The following MCF2L variants were observed in gnomAD, a reference collection of about 807,000 sequenced individuals.
The protein encoded by MCF2L is guanine nucleotide exchange factor DBS.
MCF2L carries 97 observed loss-of-function variants against 153.4 expected under a neutral mutation model. The observed-to-expected ratio is 0.63, with a 90% CI of 0.54 to 0.75. MCF2L has a LOEUF of 0.75. MCF2L is among the 30% of genes least tolerant of loss of function. The pLI is 0.00. For missense variants in MCF2L, 1,347 were observed against 1,495.2 expected (o/e 0.90, Z 1.64); for synonymous variants, 659 against 632.2 (o/e 1.04, Z -0.64).
intron 23 of MCF2L, 97 bp downstream of exon 23, chr13:113,087,896 C>A: frequency 1.0e-6 from 1 of 988,106 alleles, no homozygotes; most frequent in Non-Finnish European, 1.6e-6. Context: ...TGCATCGAGC[C>A]CAGGAGCAGC....
chr13:113,077,562 G>C (rs991748779), intron 13 of MCF2L, among the ~76,000 whole-genome samples: 1 of 152,140 alleles, frequency 6.6e-6, no homozygotes, highest in African/African-American at 2.4e-5. Context: ...AACCATCTCC[G>C]GCCTTCCCAG....
chr13:112,929,559 T>A (rs1490817934), intron 2 of MCF2L, among the ~76,000 whole-genome samples: 1 of 152,232 alleles, frequency 6.6e-6, no homozygotes, highest in Admixed American at 6.5e-5. Flanking sequence ...CTCTTCACAC[T>A]CCTGATGAAA....
At chr13:112,998,282 A>G (rs1470231760) in intron 1 of MCF2L, among the ~76,000 whole-genome samples, 1 of 152,218 alleles carries the variant, frequency 6.6e-6, no homozygotes, top group Non-Finnish European at 1.5e-5. Context: ...AAAAAGCTGG[A>G]AAACAGCATA....
intron 2 of MCF2L, among the ~76,000 whole-genome samples, chr13:112,913,790 T>A (rs2081260775): frequency 6.6e-6 from 1 of 152,162 alleles, no homozygotes; most frequent in African/African-American, 2.4e-5. Context: ...TGTGTGCTTT[T>A]AAAAATGTCT....
chr13:112,921,775 C>T (rs890137578), intron 2 of MCF2L, among the ~76,000 whole-genome samples: 7 of 152,142 alleles, frequency 4.6e-5, no homozygotes, highest in African/African-American at 1.7e-4. Context: ...GCTAAGCAGC[C>T]TTTGAGTTGG....
chr13:113,066,831 G>A (rs1594913021), intron 8 of MCF2L, among the ~76,000 whole-genome samples: 1 of 152,206 alleles, frequency 6.6e-6, no homozygotes, highest in Non-Finnish European at 1.5e-5. Context: ...CAGCTGGACA[G>A]CGGCTTGTCC....
At chr13:112,995,367 G>A (rs764822172) in intron 1 of MCF2L, among the ~76,000 whole-genome samples, 6 of 152,218 alleles carry the variant, frequency 3.9e-5, no homozygotes, top group Non-Finnish European at 7.4e-5. Context: ...TTAGGGCAGC[G>A]CCCAGTATAC....
intron 3 of MCF2L, among the ~76,000 whole-genome samples, chr13:113,026,456 G>A (rs766169328): frequency 1.5e-4 from 23 of 152,238 alleles, no homozygotes; most frequent in South Asian, 2.1e-4. Context: ...CTGAGCTGCC[G>A]TTTTTTCCTG....
At chr13:112,954,899 A>G (rs1198023300) in intron 2 of MCF2L, among the ~76,000 whole-genome samples, 2 of 152,234 alleles carry the variant, frequency 1.3e-5, no homozygotes, top group Non-Finnish European at 2.9e-5. Flanking sequence ...TGTGGGAGCC[A>G]TGGGAACTCA....
chr13:113,095,534 G>A, intron 27 of MCF2L: 7 of 1,030,176 alleles, frequency 6.8e-6, no homozygotes, highest in Non-Finnish European at 8.2e-6. Flanking sequence ...GGCTACTCTG[G>A]GCACCACAGA....
chr13:113,046,337 G>A lies in MCF2L; in HGVS notation c.369+976G>A, dbSNP rs543110571. ...CATGTTCTCACGCCCGCCACAGCCC[G>A]TCCCTCCCAGGCTCTGGGACCCTGG... On this transcript the variant is annotated intron_variant, in intron 4 of 29. Coordinates refer to ENST00000535094, the MANE Select transcript of MCF2L (RefSeq NM_001112732.3). The surrounding 1 kb of genome is among the most constrained non-coding windows in gnomAD (Gnocchi z 4.4). 1.8e-4 allele frequency: 57 copies of A among 314,530 alleles called. No homozygotes were observed. Among genetic ancestry groups the A allele is most frequent in the African/African-American group, 8.4e-4 (38 of 45,112 alleles). The allele number at this position is 314,530 out of a possible 1,614,324, so 19.5% of individuals were successfully genotyped here. A position where few individuals can be genotyped will look rare whatever the true frequency, so the allele number is the denominator to read the frequency against.
In MCF2L at chr13:113,035,718, A is replaced by G. The variant is rs1032193813; in HGVS notation, c.279-9553A>G. Among the ~76,000 whole-genome samples, 1 of 152,162 alleles carries G rather than the reference A, an allele frequency of 6.6e-6. No individual in the cohort carries two copies. Among genetic ancestry groups the G allele is most frequent in the Non-Finnish European group, 1.5e-5 (1 of 68,012 alleles). ...AAGCTCCTTGGAGGATGGAGATTTTAAGGTCTTACTGTGGTGTGAGCGATC... is the reference window on the plus strand; with the variant it reads ...AAGCTCCTTGGAGGATGGAGATTTTGAGGTCTTACTGTGGTGTGAGCGATC... On this transcript the variant is annotated intron_variant, in intron 3 of 29. Coordinates refer to ENST00000535094, the MANE Select transcript of MCF2L (RefSeq NM_001112732.3). This position sits in a 1 kb window ranked among gnomAD's most constrained non-coding sequence, Gnocchi z 4.4.
rs947895738 is a variant in MCF2L at position 113,086,249 on chromosome 13, C to T, written c.2373C>T (p.Asp791=). 17 of 1,608,706 alleles carry T rather than the reference C, an allele frequency of 1.1e-5. No individual in the cohort carries two copies. Among genetic ancestry groups the T allele is most frequent in the Middle Eastern group, 1.7e-4 (1 of 6,052 alleles). Residue 791 remains aspartate, a splice_region_variant and synonymous_variant, in exon 21 of 30, where the codon GAC becomes GAT. Transcript: ENST00000535094. ...SMHLIAITGY[D]GNLGDLGKLL... is the part of the protein sequence containing the mutation. ...ACCTCATCGCTATCACCGGCTATGA[C>T]GTAAGGCGCCCAGATGCCCGGTCTT...
chr13:112,924,071 T>G (rs1449352901), intron 2 of MCF2L, among the ~76,000 whole-genome samples: 3 of 151,842 alleles, frequency 2.0e-5, no homozygotes, highest in Non-Finnish European at 4.4e-5. Context: ...ACTGGTGGTG[T>G]TAAATTTGAC....
chr13:113,007,673 G>A (rs1024326307), intron 1 of MCF2L, among the ~76,000 whole-genome samples: 4 of 152,214 alleles, frequency 2.6e-5, no homozygotes, highest in South Asian at 2.1e-4. Context: ...GTGCAAACGC[G>A]GTTCGGCGGC....
chr13:113,038,046 C>A (rs1594783766), intron 3 of MCF2L, among the ~76,000 whole-genome samples: 2 of 151,962 alleles, frequency 1.3e-5, no homozygotes, highest in African/African-American at 4.8e-5. Flanking sequence ...CAATGATGTA[C>A]AATTGGAAAA....
At chr13:113,003,721 A>C (rs2083513887) in intron 1 of MCF2L, among the ~76,000 whole-genome samples, 1 of 152,160 alleles carries the variant, frequency 6.6e-6, no homozygotes, top group African/African-American at 2.4e-5. Flanking sequence ...ACGTCCTCTT[A>C]GGGTACATTG....
intron 1 of MCF2L, among the ~76,000 whole-genome samples, chr13:112,992,512 T>C (rs2082934294): frequency 6.6e-6 from 1 of 152,234 alleles, no homozygotes; most frequent in South Asian, 2.1e-4. Flanking sequence ...GTTCCCGCCG[T>C]GCGTCTGTGG....
chr13:112,902,495 AC>A lies in MCF2L; in HGVS notation c.169+130del, dbSNP rs550565067. ...AAGGTTTAGATCCTGGGAATGCATGACCCCCCAGGTAGCAGGCTGTGGGAGG... is the reference window on the plus strand; with the variant it reads ...AAGGTTTAGATCCTGGGAATGCATGACCCCCAGGTAGCAGGCTGTGGGAGG... On this transcript the variant is annotated intron_variant, in intron 2 of 29. Transcript: ENST00000375608. The A allele has an allele frequency of 2.9e-4, 288 of 1,006,888 alleles. No individual in the cohort carries two copies. The African/African-American group carries it at 4.2e-3, about 15-fold the overall frequency. 62.4% of individuals were successfully genotyped at this position (1,006,888 alleles called of 1,614,324 possible). A position where few individuals can be genotyped will look rare whatever the true frequency, so the allele number is the denominator to read the frequency against.
Sources: gnomAD v4.1 joint callset for allele counts (sites outside exome capture counted in the v4.1 genomes callset) on GRCh38, gnomAD v4.1.1 for gene constraint, Gnocchi (gnomAD v3.1) non-coding constraint, MANE v1.5 for transcripts, NCBI Gene and HGNC (gene_info 2026-07-23, HGNC 2026-07-21) for gene names.